HAND1: variants seen among roughly 807,000 people sequenced by gnomAD.
HAND1 encodes the protein heart- and neural crest derivatives-expressed protein 1.
Under a neutral mutation model 14.5 loss-of-function variants are expected in HAND1, and 10 were observed. The observed-to-expected ratio is 0.69, with a 90% CI of 0.42 to 1.17. The LOEUF (loss-of-function observed/expected upper bound fraction) is 1.17, where lower values mean the gene tolerates loss of function less well. Among genes scored for constraint, HAND1 ranks in the 50% most tolerant of loss-of-function variants. The pLI is 0.00. For missense variants in HAND1, 299 were observed against 298.4 expected (o/e 1.00, Z -0.01); for synonymous variants, 128 against 127.1 (o/e 1.01, Z -0.05).
chr5:154,476,714 C>G (rs1386835991), intron 1 of HAND1, among the ~76,000 whole-genome samples: 1 of 152,198 alleles, frequency 6.6e-6, no homozygotes, highest in Non-Finnish European at 1.5e-5. Flanking sequence ...AACTGATTGG[C>G]CAGCCTGAAA....
At chr5:154,476,309 ACAT>A (rs1160974055) in intron 1 of HAND1, among the ~76,000 whole-genome samples, 2 of 152,206 alleles carry the variant, frequency 1.3e-5, no homozygotes, top group East Asian at 3.9e-4. Flanking sequence ...CCTGGTTTAA[ACAT>A]CAGGGCTTGG....
rs779259287 is a variant in HAND1 at position 154,475,525 on chromosome 5, CCTT to C, written c.*278_*280del. 4.6e-4 allele frequency: 220 copies of C among 479,734 alleles called. No individual in the cohort carries two copies. The highest frequency in any genetic ancestry group is 6.2e-4 in the Non-Finnish European group (164 of 262,562). 29.7% of individuals were successfully genotyped at this position (479,734 alleles called of 1,614,324 possible). On this transcript the variant is annotated 3_prime_UTR_variant, in exon 2 of 2. Transcript: ENST00000231121. ...TGAGCCCTTGGGTTCGACAGTCCCTCCTTCTTGCATGTTGCCGCCAAGGGCCGC... is the reference window on the plus strand; with the variant it reads ...TGAGCCCTTGGGTTCGACAGTCCCTCCTTGCATGTTGCCGCCAAGGGCCGC...
chr5:154,475,984 G>T, intron 1 of HAND1, 74 bp from the exon 2 acceptor site: 1 of 1,112,730 alleles, frequency 9.0e-7, no homozygotes, highest in South Asian at 1.3e-5. Context: ...CGCCCGGCAT[G>T]GGGTAAGATG....
At chr5:154,476,683 T>G (rs570603018) in intron 1 of HAND1, among the ~76,000 whole-genome samples, 2 of 152,240 alleles carry the variant, frequency 1.3e-5, no homozygotes, top group East Asian at 3.9e-4. Flanking sequence ...CGCTACGGCC[T>G]TAAGCCCCCC....
chr5:154,477,455 C>G lies in HAND1; in HGVS notation c.543+11G>C, dbSNP rs1467478118. 1 of 1,610,906 alleles carries G rather than the reference C, an allele frequency of 6.2e-7. No homozygotes were observed. Among genetic ancestry groups the G allele is most frequent in the Admixed American group, 1.7e-5 (1 of 60,028 alleles). ...CACCCTTGGCTGGAGCATGCAAGCC[C>G]CAGGACTCACCAGCTCCCTTTTCCG... On this transcript the variant is annotated intron_variant, in intron 1 of 1. Transcript: ENST00000231121.
At position 154,475,537 on chromosome 5, in the gene HAND1, T is replaced by C. The variant is rs1484097192; in HGVS notation, c.*269A>G. 1 of 491,964 alleles carries C rather than the reference T, an allele frequency of 2.0e-6. No homozygotes were observed. Among genetic ancestry groups the C allele is most frequent in the Non-Finnish European group, 3.7e-6 (1 of 270,034 alleles). 30.5% of individuals were successfully genotyped at this position (491,964 alleles called of 1,614,324 possible). Reference sequence around the variant, plus strand: ...TTCGACAGTCCCTCCTTCTTGCATGTTGCCGCCAAGGGCCGCCCTCGGTTG... The same window carrying C: ...TTCGACAGTCCCTCCTTCTTGCATGCTGCCGCCAAGGGCCGCCCTCGGTTG... On this transcript the variant is annotated 3_prime_UTR_variant, in exon 2 of 2. Transcript: ENST00000231121.
chr5:154,476,077 G>C (rs1426720228), intron 1 of HAND1, among the ~76,000 whole-genome samples, 167 bp from the exon 2 acceptor site: 1 of 152,178 alleles, frequency 6.6e-6, no homozygotes, highest in Non-Finnish European at 1.5e-5. Flanking sequence ...AGGCAAACAG[G>C]CTCGTAAATT....
intron 1 of HAND1, among the ~76,000 whole-genome samples, chr5:154,476,764 C>A (rs1479100804): frequency 6.6e-6 from 1 of 152,140 alleles, no homozygotes; most frequent in Non-Finnish European, 1.5e-5. Flanking sequence ...ACAGCCAGAC[C>A]GAGTGCCAGG....
chr5:154,477,253 TACAA>T (rs1757556552), intron 1 of HAND1, among the ~76,000 whole-genome samples: 1 of 152,184 alleles, frequency 6.6e-6, no homozygotes, highest in African/African-American at 2.4e-5. Flanking sequence ...CACTCAGTAT[TACAA>T]ACACTCTCCC....
At chr5:154,475,952 G>T (rs762952934) in intron 1 of HAND1, 42 bp from the exon 2 acceptor site, 1 of 1,531,532 alleles carries the variant, frequency 6.5e-7, no homozygotes, top group East Asian at 2.3e-5. Context: ...GGAGAGACAG[G>T]TTTTAATTTT....
In HAND1 at chr5:154,478,176, G is replaced by T. The variant is rs1757580726; in HGVS notation, c.-168C>A. On this transcript the variant is annotated 5_prime_UTR_variant, in exon 1 of 2. Transcript: ENST00000231121. The surrounding 1 kb of genome is among the most constrained non-coding windows in gnomAD (Gnocchi z 4.5). ...CGCGCAGCCCACTGTCTTCTTACCG[G>T]TTTCTGCCGCGGGCGAGGTCGCCGA... 3 of 735,768 alleles carry T rather than the reference G, an allele frequency of 4.1e-6. No individual in the cohort carries two copies. The highest frequency in any genetic ancestry group is 3.5e-5 in the African/African-American group (2 of 56,904). 45.6% of individuals were successfully genotyped at this position (735,768 alleles called of 1,614,324 possible).
Position 154,478,197 on chromosome 5 carries a change from G to T in HAND1, c.-189C>A. 1 of 655,610 alleles carries T rather than the reference G, an allele frequency of 1.5e-6. No homozygotes were observed. Among genetic ancestry groups the T allele is most frequent in the Non-Finnish European group, 2.6e-6 (1 of 380,404 alleles). 40.6% of individuals were successfully genotyped at this position (655,610 alleles called of 1,614,324 possible). A position where few individuals can be genotyped will look rare whatever the true frequency, so the allele number is the denominator to read the frequency against. ...ACCGGTTTCTGCCGCGGGCGAGGTC[G>T]CCGAAGCCCAAAGACCTGTTTAACC... On this transcript the variant is annotated 5_prime_UTR_variant, in exon 1 of 2. Coordinates refer to ENST00000231121, the MANE Select transcript of HAND1 (RefSeq NM_004821.3). The surrounding 1 kb of genome is among the most constrained non-coding windows in gnomAD (Gnocchi z 4.5).
chr5:154,477,324 CTGTG>C, intron 1 of HAND1, 138 bp downstream of exon 1: 1 of 720,460 alleles, frequency 1.4e-6, no homozygotes, highest in Non-Finnish European at 2.5e-6. Context: ...GGATCGCACG[CTGTG>C]ACCAACCATC....
In HAND1 at chr5:154,475,662, G is replaced by T; in HGVS notation, c.*144C>A. The T allele has an allele frequency of 1.5e-6, 1 of 678,266 alleles. No homozygotes were observed. 42.0% of individuals were successfully genotyped at this position (678,266 alleles called of 1,614,324 possible). A position where few individuals can be genotyped will look rare whatever the true frequency, so the allele number is the denominator to read the frequency against. On this transcript the variant is annotated 3_prime_UTR_variant, in exon 2 of 2. Coordinates refer to ENST00000231121, the MANE Select transcript of HAND1 (RefSeq NM_004821.3). ...ATCCAAGTGTGTGGTTGCAGCCGAC[G>T]ACCTGCCGGCGCTCAGCAGAAGCTC...
chr5:154,477,582 T>C lies in HAND1; in HGVS notation c.427A>G (p.Ile143Val). The change falls in exon 1 of 2, where the codon ATC becomes GTC. Residue 143 changes from isoleucine to valine, a missense_variant. Coordinates refer to ENST00000231121, the MANE Select transcript of HAND1 (RefSeq NM_004821.3). ...GCCAGCACGTCCATCAGGTAGGCGA[T>C]GTAGCTGGTGGCTAGGCGCAGAGTC... ...IKTLRLATSYIAYLMDVLAKD... is the reference protein window; with the variant it reads ...IKTLRLATSYVAYLMDVLAKD... 1 of 1,614,230 alleles carries C rather than the reference T, an allele frequency of 6.2e-7. No individual in the cohort carries two copies. Among genetic ancestry groups the C allele is most frequent in the Non-Finnish European group, 8.5e-7 (1 of 1,180,018 alleles).
In HAND1 at chr5:154,477,683, C is replaced by T; in HGVS notation, c.326G>A (p.Ser109Asn). ...CAACTCCGCGAATGCGCTGTTAATG[C>T]TCTCAGTGCGTCTCCGCTCCTTCTT... ...GPKKERRRTE[S>N]INSAFAELRE... The change falls in exon 1 of 2, where the codon AGC becomes AAC. Residue 109 changes from serine to asparagine, a missense_variant. Ser to Asn is a conservative substitution (Grantham distance 46). Transcript: ENST00000231121. 1 of 1,614,236 alleles carries T rather than the reference C, an allele frequency of 6.2e-7. No individual in the cohort carries two copies. The highest frequency in any genetic ancestry group is 8.5e-7 in the Non-Finnish European group (1 of 1,180,046).
In HAND1 at chr5:154,477,541, A is replaced by C. The variant is rs34402828; in HGVS notation, c.468T>G (p.Ser156=). The change falls in exon 1 of 2, where the codon TCT becomes TCG. Residue 156 remains serine (S), a synonymous_variant. Transcript: ENST00000231121. ...LMDVLAKDAQ[S]GDPEAFKAEL... Reference sequence around the variant, plus strand: ...CAGCCTTGAAGGCCTCGGGATCGCCAGACTGTGCATCCTTGGCCAGCACGT... The same window carrying C: ...CAGCCTTGAAGGCCTCGGGATCGCCCGACTGTGCATCCTTGGCCAGCACGT... The C allele has an allele frequency of 0.055, 89,019 of 1,614,134 alleles. 2,776 individuals are homozygous for C. The highest frequency in any genetic ancestry group is 0.063 in the Non-Finnish European group (74,629 of 1,179,994).
In HAND1 at chr5:154,475,898, C is replaced by T; in HGVS notation, c.556G>A (p.Gly186Ser). ...KRKRELQQHE[G>S]FPPALGPVEK... ...ACTGGGCCCAGGGCAGGAGGAAAACCTTCGTGCTGCTGCTGCCAAAGGACA... is the reference window on the plus strand; with the variant it reads ...ACTGGGCCCAGGGCAGGAGGAAAACTTTCGTGCTGCTGCTGCCAAAGGACA... The change falls in exon 2 of 2, where the codon GGT (glycine) becomes AGT (serine). Residue 186 changes from glycine to serine, a missense_variant. Physicochemically the swap from Gly to Ser is moderately conservative, Grantham distance 56. Coordinates refer to ENST00000231121, the MANE Select transcript of HAND1 (RefSeq NM_004821.3). The T allele has an allele frequency of 3.1e-6, 5 of 1,613,416 alleles. No individual in the cohort carries two copies. The highest frequency in any genetic ancestry group is 4.2e-6 in the Non-Finnish European group (5 of 1,179,346).
Position 154,478,115 on chromosome 5 carries a change from G to T in HAND1, c.-107C>A. 3 of 1,277,084 alleles carry T rather than the reference G, an allele frequency of 2.3e-6. No homozygotes were observed. Among genetic ancestry groups the T allele is most frequent in the South Asian group, 1.2e-5 (1 of 82,342 alleles). 79.1% of individuals were successfully genotyped at this position (1,277,084 alleles called of 1,614,324 possible). A position where few individuals can be genotyped will look rare whatever the true frequency, so the allele number is the denominator to read the frequency against. On this transcript the variant is annotated 5_prime_UTR_variant, in exon 1 of 2. Coordinates refer to ENST00000231121, the MANE Select transcript of HAND1 (RefSeq NM_004821.3). The surrounding 1 kb of genome is among the most constrained non-coding windows in gnomAD (Gnocchi z 4.5). ...GGCTCTGGAGCCACTACTGGGCGCC[G>T]GCTTTGGGAGAGTCCGGGCAAGGCT...
Sources: allele counts gnomAD v4.1 joint callset (sites outside exome capture counted in the v4.1 genomes callset), GRCh38; gene constraint gnomAD v4.1.1; non-coding constraint Gnocchi (gnomAD v3.1); transcripts MANE v1.5; gene names NCBI Gene and HGNC (gene_info 2026-07-23, HGNC 2026-07-21).